Variants in TBC1D19 observed in about 807,000 individuals in gnomAD.
TBC1D19 encodes TBC1 domain family, member 19.
In TBC1D19, 60 loss-of-function variants were observed where a neutral mutation model predicts 89.0. The observed-to-expected ratio is 0.67, with a 90% CI of 0.55 to 0.84. The LOEUF (loss-of-function observed/expected upper bound fraction) is 0.84. Ranked by LOEUF, TBC1D19 falls within the 40% of genes least tolerant of loss-of-function variation. The pLI is 0.00. For missense variants in TBC1D19, 500 were observed against 610.8 expected, an observed-to-expected ratio of 0.82 and a Z score of 1.91; for synonymous variants, 189 against 199.7, an observed-to-expected ratio of 0.95 and a Z score of 0.45.
chr4:26,594,944 G>T (rs1461111848), intron 1 of TBC1D19, among the ~76,000 whole-genome samples: 1 of 152,208 alleles, frequency 6.6e-6, no homozygotes, highest in Non-Finnish European at 1.5e-5. Flanking sequence ...CTTCAGCCAT[G>T]TTAGGTAAAT....
rs16878555 is a variant in TBC1D19 at position 26,673,793 on chromosome 4, A to G, written c.721A>G (p.Ser241Gly). 1,890 of 1,608,372 alleles carry G rather than the reference A, an allele frequency of 1.2e-3. 25 individuals are homozygous for G. The African/African-American group carries it at 0.023, about 20-fold the overall frequency. The part of the protein sequence containing the change: ...IGQKVLAEQD[S>G]AAAQQYIRQG... ...TTTGATAGTTCTAGCAGAACAAGAT[A>G]GTGCTGCTGCTCAACAGTACATCAG... is the stretch of plus-strand genomic sequence containing the variant. Residue 241 changes from serine (S) to glycine (G), a missense_variant, in exon 11 of 21, where the codon AGT (serine) becomes GGT (glycine). Coordinates refer to ENST00000264866, the MANE Select transcript of TBC1D19 (RefSeq NM_018317.4).
intron 19 of TBC1D19, among the ~76,000 whole-genome samples, chr4:26,748,775 CT>C (rs1284231867): frequency 2.0e-5 from 3 of 152,128 alleles, no homozygotes; most frequent in Admixed American, 1.3e-4. Context: ...TTTCCCTTCC[CT>C]TTCCCTCTCC....
At chr4:26,768,218 T>C in the TBC1D19 span, among the ~76,000 whole-genome samples, 1 of 152,182 alleles carries the variant, frequency 6.6e-6, no homozygotes, top group East Asian at 1.9e-4. Flanking sequence ...TGGCTATTCC[T>C]ACCAGCATTC....
At chr4:26,683,611 A>C in intron 11 of TBC1D19, 64 bp from the exon 12 acceptor site, 2 of 1,303,222 alleles carry the variant, frequency 1.5e-6, no homozygotes, top group Admixed American at 3.6e-5. Flanking sequence ...TTATTATTTG[A>C]GTTTAAGGCT....
At chr4:26,815,657 A>G in the TBC1D19 span, among the ~76,000 whole-genome samples, 2 of 152,316 alleles carry the variant, frequency 1.3e-5, no homozygotes, top group African/African-American at 4.8e-5. Flanking sequence ...TATGTACTAG[A>G]AAAAAAGAGG....
the TBC1D19 span, among the ~76,000 whole-genome samples, chr4:26,835,156 T>A: frequency 6.6e-6 from 1 of 152,176 alleles, no homozygotes; most frequent in Non-Finnish European, 1.5e-5. Context: ...TCCAATGTAA[T>A]CACCTGTGTC....
the TBC1D19 span, among the ~76,000 whole-genome samples, chr4:26,832,937 T>C: frequency 6.6e-6 from 1 of 152,132 alleles, no homozygotes; most frequent in Non-Finnish European, 1.5e-5. Context: ...GAGGTTGTAG[T>C]GAGCCGAGAT....
chr4:26,679,378 G>A (rs1040312374), intron 11 of TBC1D19, among the ~76,000 whole-genome samples: 1 of 152,222 alleles, frequency 6.6e-6, no homozygotes, highest in Non-Finnish European at 1.5e-5. Context: ...AGACTTGGCA[G>A]CTTCCATGTG....
intron 15 of TBC1D19, among the ~76,000 whole-genome samples, chr4:26,726,426 T>C (rs1345787492): frequency 6.6e-6 from 1 of 152,212 alleles, no homozygotes; most frequent in Non-Finnish European, 1.5e-5. Flanking sequence ...CTAAAATTCA[T>C]TTGAGGTATA....
intron 1 of TBC1D19, among the ~76,000 whole-genome samples, chr4:26,603,550 A>G (rs1239818513): frequency 1.3e-5 from 2 of 152,166 alleles, no homozygotes; most frequent in Non-Finnish European, 2.9e-5. Context: ...TTCCAGTTAC[A>G]TATATGTATG....
intron 16 of TBC1D19, among the ~76,000 whole-genome samples, chr4:26,736,869 T>G (rs1718082924): frequency 6.6e-6 from 1 of 152,188 alleles, no homozygotes; most frequent in Non-Finnish European, 1.5e-5. Flanking sequence ...AGGCCTCATG[T>G]GTCATTAAAT....
intron 13 of TBC1D19, among the ~76,000 whole-genome samples, chr4:26,715,486 C>T (rs901450472): frequency 3.9e-5 from 6 of 152,018 alleles, no homozygotes; most frequent in Admixed American, 6.6e-5. Context: ...GGATTATTAG[C>T]GAGTGCTCTT....
the TBC1D19 span, among the ~76,000 whole-genome samples, chr4:26,821,888 A>T: frequency 6.6e-6 from 1 of 152,226 alleles, no homozygotes; most frequent in Non-Finnish European, 1.5e-5. Flanking sequence ...TTCCACCTGC[A>T]TGCTCTCCTG....
chr4:26,647,137 G>C (rs918135230), intron 7 of TBC1D19, among the ~76,000 whole-genome samples: 3 of 152,102 alleles, frequency 2.0e-5, no homozygotes, highest in African/African-American at 7.2e-5. Context: ...AGGATGATTT[G>C]GGAACTGATC....
chr4:26,679,033 C>T (rs761362207), intron 11 of TBC1D19, among the ~76,000 whole-genome samples: 8 of 152,188 alleles, frequency 5.3e-5, no homozygotes, highest in African/African-American at 9.6e-5. Flanking sequence ...GGAAAATTTG[C>T]AGCCTGACAA....
At chr4:26,822,448 C>T in the TBC1D19 span, among the ~76,000 whole-genome samples, 1 of 152,202 alleles carries the variant, frequency 6.6e-6, no homozygotes, top group Non-Finnish European at 1.5e-5. Flanking sequence ...CTTTTTACTT[C>T]CTGCTTTCTT....
At chr4:26,652,357 G>A (rs1010484662) in intron 7 of TBC1D19, among the ~76,000 whole-genome samples, 8 of 152,008 alleles carry the variant, frequency 5.3e-5, no homozygotes, top group Admixed American at 3.3e-4. Context: ...CTTTTTTTTG[G>A]TTGGTAAGCT....
intron 8 of TBC1D19, among the ~76,000 whole-genome samples, chr4:26,663,424 T>C (rs1455719895): frequency 2.0e-5 from 3 of 152,204 alleles, no homozygotes. Flanking sequence ...CTGAAACTGC[T>C]GCATGTAGAG....
At chr4:26,812,387 A>G in the TBC1D19 span, among the ~76,000 whole-genome samples, 1 of 152,326 alleles carries the variant, frequency 6.6e-6, no homozygotes, top group East Asian at 1.9e-4. The surrounding 1 kb of genome is among the most constrained non-coding windows in gnomAD (Gnocchi z 4.2). Context: ...AATGCCTGCC[A>G]ACGCAATTAC....
Sources: allele counts gnomAD v4.1 joint callset (sites outside exome capture counted in the v4.1 genomes callset), GRCh38; gene constraint gnomAD v4.1.1; non-coding constraint Gnocchi (gnomAD v3.1); transcripts MANE v1.5; gene names NCBI Gene and HGNC (gene_info 2026-07-23, HGNC 2026-07-21).